Variants in MEF2C observed in about 807,000 individuals in gnomAD.
MEF2C encodes the protein myocyte enhancer factor 2C.
Under a neutral mutation model 50.5 loss-of-function variants are expected in MEF2C, and 6 were observed. The observed-to-expected ratio is 0.12, with a 90% CI of 0.07 to 0.23. The LOEUF (loss-of-function observed/expected upper bound fraction) is 0.23, where lower values mean the gene tolerates loss of function less well. Ranked by LOEUF, MEF2C falls within the 10% of genes least tolerant of loss-of-function variation. The pLI, the probability that MEF2C is intolerant of heterozygous loss-of-function variation, is 1.00. For synonymous variants in MEF2C, 183 were observed against 228.0 expected, an observed-to-expected ratio of 0.80 and a Z score of 1.78; for missense variants, 276 against 605.0, an observed-to-expected ratio of 0.46 and a Z score of 5.70.
At chr5:88,841,561 G>A (rs1185545908) in intron 1 of MEF2C, among the ~76,000 whole-genome samples, 6 of 151,270 alleles carry the variant, frequency 4.0e-5, no homozygotes, top group East Asian at 1.9e-4. Flanking sequence ...AATGATCTTA[G>A]GCTTTAGTCA....
intron 1 of MEF2C, among the ~76,000 whole-genome samples, chr5:88,837,760 T>C (rs1380706238): frequency 1.3e-5 from 2 of 152,188 alleles, no homozygotes; most frequent in Non-Finnish European, 2.9e-5. Flanking sequence ...TTTAAAATAT[T>C]GAAGGATATG....
intron 5 of MEF2C, chr5:88,751,365 A>T (rs1037082182): frequency 1.0e-6 from 1 of 985,318 alleles, no homozygotes; most frequent in African/African-American, 1.7e-5. Flanking sequence ...ATGCTATCTT[A>T]TCATATTTCC....
chr5:88,761,532 C>T (rs1214762433), intron 3 of MEF2C, among the ~76,000 whole-genome samples: 1 of 152,194 alleles, frequency 6.6e-6, no homozygotes, highest in Non-Finnish European at 1.5e-5. Flanking sequence ...AAAGATTCCT[C>T]TTGCAACTAA....
chr5:88,816,465 C>CTTTTTTTTTTTTTTTTT (rs70996497), intron 2 of MEF2C, among the ~76,000 whole-genome samples: 2 of 86,134 alleles, frequency 2.3e-5, no homozygotes, highest in Non-Finnish European at 2.2e-5. Context: ...CTGCCTACTG[C>CTTTTTTTTTTTTTTTTT]TTTTTTTTTT....
At chr5:88,894,213 C>T (rs1042961680) in intron 1 of MEF2C, among the ~76,000 whole-genome samples, 9 of 152,192 alleles carry the variant, frequency 5.9e-5, no homozygotes, top group Non-Finnish European at 1.2e-4. Context: ...CACACTAAAG[C>T]TGTGAGTGCT....
intron 1 of MEF2C, among the ~76,000 whole-genome samples, chr5:88,826,537 A>G (rs997114914): frequency 1.3e-5 from 2 of 151,980 alleles, no homozygotes; most frequent in Non-Finnish European, 2.9e-5. Context: ...GTCACTAAAA[A>G]TTTAAAGAAT....
At chr5:88,734,207 A>G (rs1450088835) in intron 6 of MEF2C, 2 of 985,194 alleles carry the variant, frequency 2.0e-6, no homozygotes, top group Non-Finnish European at 2.4e-6. Context: ...CATCAAGGTC[A>G]ATTCTGCTCT....
intron 2 of MEF2C, among the ~76,000 whole-genome samples, chr5:88,822,403 C>G (rs1488704604): frequency 6.6e-6 from 1 of 151,898 alleles, no homozygotes; most frequent in African/African-American, 2.4e-5. Flanking sequence ...TGATCCACAG[C>G]AAGAAACGAT....
rs1285409544 is a variant in MEF2C, at chr5:88,747,539, C to A, written c.637+1531G>T. Among the ~76,000 whole-genome samples, 21 of 54,154 alleles carry A rather than the reference C, an allele frequency of 3.9e-4. 7 individuals carry two copies. The highest frequency in any genetic ancestry group is 3.7e-3 in the Admixed American group (21 of 5,698). The allele number at this position is 54,154 out of a possible 152,430, so 35.5% of individuals were successfully genotyped here. ...AATTTTTTTGTATTTTTAGTAGAGA[C>A]GGGGTTTCACCGTTTTAGCCGGGAT... On this transcript the variant is annotated intron_variant, in intron 6 of 10. Transcript: ENST00000504921.
At chr5:88,851,949 T>G (rs1321822540) in intron 1 of MEF2C, among the ~76,000 whole-genome samples, 2 of 152,182 alleles carry the variant, frequency 1.3e-5, no homozygotes, top group African/African-American at 2.4e-5. Flanking sequence ...GTACTTTATA[T>G]ATCTGGAATA....
intron 1 of MEF2C, among the ~76,000 whole-genome samples, chr5:88,897,945 C>T (rs1835281417): frequency 6.6e-6 from 1 of 152,174 alleles, no homozygotes; most frequent in Non-Finnish European, 1.5e-5. Context: ...TGGGCCCCAC[C>T]TCAGGCCCAC....
chr5:88,718,328 CCA>C lies in MEF2C; in HGVS notation c.*4274_*4275del, dbSNP rs1755204680. 6.6e-6 allele frequency: 1 copy of C among 152,078 alleles called. No homozygotes were observed. Among genetic ancestry groups the C allele is most frequent in the African/African-American group, 2.4e-5 (1 of 41,396 alleles). The allele number at this position is 152,078 out of a possible 1,614,324, so 9.4% of individuals were successfully genotyped here. A position where few individuals can be genotyped will look rare whatever the true frequency, so the allele number is the denominator to read the frequency against. On this transcript the variant is annotated 3_prime_UTR_variant, in exon 11 of 11. Coordinates refer to ENST00000504921, the MANE Select transcript of MEF2C (RefSeq NM_002397.5). The stretch of plus-strand genomic sequence containing the variant: ...AGCAGGAGAAACTTTTGAAAATTTC[CCA>C]CTTTTATTCACTACAGACAGCTGAA...
intron 1 of MEF2C, among the ~76,000 whole-genome samples, chr5:88,903,659 A>C (rs1835890656): frequency 6.6e-6 from 1 of 152,126 alleles, no homozygotes; most frequent in South Asian, 2.1e-4. Flanking sequence ...TTCATCTTCC[A>C]AATATTGAAA....
At chr5:88,857,268 G>C (rs1030440378) in intron 1 of MEF2C, among the ~76,000 whole-genome samples, 2 of 152,156 alleles carry the variant, frequency 1.3e-5, no homozygotes, top group Admixed American at 6.5e-5. Context: ...AGTTTGAATG[G>C]GTGTATTTTC....
At chr5:88,735,486 A>C (rs1166216716) in intron 6 of MEF2C, 3 of 985,148 alleles carry the variant, frequency 3.0e-6, no homozygotes, top group Non-Finnish European at 3.6e-6. Context: ...CTGATTATAG[A>C]TTATAAGAAA....
chr5:88,734,581 T>TG (rs1763251488), intron 6 of MEF2C: 8 of 958,804 alleles, frequency 8.3e-6, no homozygotes, highest in South Asian at 9.7e-5. Flanking sequence ...TTTTTTTTTT[T>TG]TTTTTTTTTT....
chr5:88,786,942 T>A (rs1006417406), intron 3 of MEF2C, among the ~76,000 whole-genome samples: 1 of 152,218 alleles, frequency 6.6e-6, no homozygotes, highest in African/African-American at 2.4e-5. Flanking sequence ...ATGGTTCAGA[T>A]AATTGGGTAT....
chr5:88,738,939 G>GT, intron 6 of MEF2C: 1 of 983,118 alleles, frequency 1.0e-6, no homozygotes, highest in African/African-American at 1.7e-5. Context: ...CAGAGTAGCT[G>GT]TTTAACTTTT....
chr5:88,839,201 C>T (rs1021307039), intron 1 of MEF2C: 2 of 152,030 alleles, frequency 1.3e-5, no homozygotes, highest in East Asian at 3.9e-4. Context: ...CACCATGTAC[C>T]TATGTTTGTA....
Sources: allele counts gnomAD v4.1 joint callset (sites outside exome capture counted in the v4.1 genomes callset), GRCh38; gene constraint gnomAD v4.1.1; transcripts MANE v1.5; gene names NCBI Gene and HGNC (gene_info 2026-07-23, HGNC 2026-07-21).